TRIM16: variants seen among roughly 807,000 people sequenced by gnomAD.
TRIM16 encodes tripartite motif-containing protein 16.
Under a neutral mutation model 50.4 loss-of-function variants are expected in TRIM16, and 33 were observed. The observed-to-expected ratio is 0.65, with a 90% CI of 0.50 to 0.88. The LOEUF (loss-of-function observed/expected upper bound fraction) is 0.88. Ranked by LOEUF, TRIM16 falls within the 40% of genes least tolerant of loss-of-function variation. TRIM16 has a pLI of 0.00. For synonymous variants in TRIM16, 229 were observed against 270.7 expected (o/e 0.85, Z 1.51); for missense variants, 581 against 686.8 (o/e 0.85, Z 1.72).
chr17:15,656,472 C>A (rs890765293), intron 6 of TRIM16, among the ~76,000 whole-genome samples: 11 of 152,130 alleles, frequency 7.2e-5, no homozygotes, highest in Non-Finnish European at 1.5e-4. Flanking sequence ...AGCTCCTTCT[C>A]TCATTTCCTA....
chr17:15,672,845 G>C (rs1023542248), intron 6 of TRIM16, among the ~76,000 whole-genome samples: 4 of 152,176 alleles, frequency 2.6e-5, no homozygotes, highest in African/African-American at 9.7e-5. Context: ...GTAAGTCCCA[G>C]AGTCATAATA....
At chr17:15,646,098 G>A (rs1240329535) in intron 7 of TRIM16, among the ~76,000 whole-genome samples, 1 of 152,152 alleles carries the variant, frequency 6.6e-6, no homozygotes, top group African/African-American at 2.4e-5. Context: ...GGGGCCATAG[G>A]GAGGTACCCA....
chr17:15,649,462 A>G (rs935570188), intron 7 of TRIM16, among the ~76,000 whole-genome samples: 3 of 151,768 alleles, frequency 2.0e-5, no homozygotes, highest in African/African-American at 7.3e-5. Context: ...AATTTTTTGT[A>G]TTTTTAGTAG....
rs1986713072 is a variant in TRIM16, at chr17:15,635,944, A to G, written c.849+92T>C. On this transcript the variant is annotated intron_variant, in intron 9 of 11. Coordinates refer to ENST00000649191, the MANE Select transcript of TRIM16 (RefSeq NM_001348119.1). ...CCCTGTGCACACCATTTAACAAAAA[A>G]CAGTTCCATTCACAGATGGCCATGG... 3 of 1,218,694 alleles carry G rather than the reference A, an allele frequency of 2.5e-6. No individual in the cohort carries two copies. In the East Asian group the frequency reaches 7.3e-5, roughly 30 times the overall value. The allele number at this position is 1,218,694 out of a possible 1,614,324, so 75.5% of individuals were successfully genotyped here.
chr17:15,641,330 A>G (rs9895351), intron 8 of TRIM16, among the ~76,000 whole-genome samples: 3,084 of 148,948 alleles, frequency 0.021, 298 homozygotes, highest in African/African-American at 0.073. Flanking sequence ...CATGCCTATC[A>G]ATATACTGAG....
chr17:15,639,248 G>A (rs1297232621), intron 8 of TRIM16, among the ~76,000 whole-genome samples: 1 of 144,854 alleles, frequency 6.9e-6, no homozygotes, highest in African/African-American at 2.6e-5. Flanking sequence ...AGCTTACTAC[G>A]TTGCCCAGGC....
chr17:15,651,826 C>T lies in TRIM16; in HGVS notation c.-217G>A. The T allele has an allele frequency of 1.4e-6, 2 of 1,437,974 alleles. No individual in the cohort carries two copies. The highest frequency in any genetic ancestry group is 1.8e-6 in the Non-Finnish European group (2 of 1,101,172). 89.1% of individuals were successfully genotyped at this position (1,437,974 alleles called of 1,614,324 possible). A position where few individuals can be genotyped will look rare whatever the true frequency, so the allele number is the denominator to read the frequency against. ...CGACAAGGCAGCTAGAGTACTCAGG[C>T]TCAGGACAGCCGGCTCAGGCTCAGG... is the stretch of plus-strand genomic sequence containing the variant. On this transcript the variant is annotated 5_prime_UTR_variant, in exon 7 of 12. Transcript: ENST00000649191.
At chr17:15,634,494 G>T (rs940225963) in intron 9 of TRIM16, among the ~76,000 whole-genome samples, 1 of 147,898 alleles carries the variant, frequency 6.8e-6, no homozygotes, top group African/African-American at 2.5e-5. Flanking sequence ...AGCCGGGCAT[G>T]GTGGCCCATG....
In TRIM16 at chr17:15,647,603, G is replaced by A. The variant is rs565349870; in HGVS notation, c.519+3488C>T. Among the ~76,000 whole-genome samples the A allele has an allele frequency of 3.4e-3, 515 of 152,198 alleles. 1 individual carries two copies. Among genetic ancestry groups the A allele is most frequent in the African/African-American group, 0.011 (447 of 41,502 alleles). On this transcript the variant is annotated intron_variant, in intron 7 of 11. Transcript: ENST00000649191. ...GTTCCAAAGGTGCAGTAATTGCACC[G>A]TGCCAGCCTCTTGGCACTCTGTGGA...
intron 6 of TRIM16, among the ~76,000 whole-genome samples, chr17:15,671,225 A>C (rs1438470126): frequency 1.3e-5 from 2 of 151,968 alleles, no homozygotes; most frequent in Non-Finnish European, 2.9e-5. Context: ...GTAAGATGAA[A>C]ACAGGGCAAT....
At chr17:15,641,996 C>T (rs2150908907) in intron 8 of TRIM16, among the ~76,000 whole-genome samples, 1 of 148,550 alleles carries the variant, frequency 6.7e-6, no homozygotes. Flanking sequence ...GTGTGCACCA[C>T]CATGCCTGGC....
intron 7 of TRIM16, chr17:15,643,171 AG>A (rs1987195585): frequency 1.2e-6 from 1 of 826,960 alleles, no homozygotes; most frequent in Non-Finnish European, 1.5e-6. Flanking sequence ...CTCTCAGCAA[AG>A]GGCATTCCAA....
chr17:15,676,815 T>C (rs163391), intron 6 of TRIM16, among the ~76,000 whole-genome samples: 32,933 of 152,118 alleles, frequency 0.22, 3,713 homozygotes, highest in South Asian at 0.27. Context: ...TCCTTAAAAT[T>C]ATTCAAATTC....
chr17:15,671,340 T>C (rs1988722641), intron 6 of TRIM16, among the ~76,000 whole-genome samples: 1 of 128,724 alleles, frequency 7.8e-6, no homozygotes, highest in African/African-American at 3.1e-5. Flanking sequence ...GAATTTTATA[T>C]AGGTGTGCAA....
intron 4 of TRIM16, among the ~76,000 whole-genome samples, chr17:15,678,052 C>T (rs1989021635): frequency 6.6e-6 from 1 of 152,032 alleles, no homozygotes; most frequent in Non-Finnish European, 1.5e-5. Context: ...CCCATCTCTA[C>T]TATAAATACA....
chr17:15,670,363 G>A (rs533188049), intron 6 of TRIM16, among the ~76,000 whole-genome samples: 90 of 152,228 alleles, frequency 5.9e-4, no homozygotes, highest in African/African-American at 2.1e-3. Context: ...ACCACTAAAT[G>A]TAAACCAGCT....
chr17:15,667,605 A>G (rs1988552517), intron 6 of TRIM16, among the ~76,000 whole-genome samples: 1 of 152,002 alleles, frequency 6.6e-6, no homozygotes, highest in Non-Finnish European at 1.5e-5. Context: ...TCTTCTTCCT[A>G]TATGTTTTGG....
chr17:15,655,011 T>A (rs1419749065), intron 6 of TRIM16, among the ~76,000 whole-genome samples: 1 of 147,418 alleles, frequency 6.8e-6, no homozygotes, highest in East Asian at 2.0e-4. Context: ...AAAAAAAAAA[T>A]GTAGCTTGTC....
rs1987708589 is a variant in TRIM16 at position 15,651,555 on chromosome 17, GCTGAGCAGTGGCC to G, written c.42_54del (p.Arg14SerfsTer70). The G allele has an allele frequency of 3.1e-6, 5 of 1,614,034 alleles. No individual in the cohort carries two copies. Among genetic ancestry groups the G allele is most frequent in the Non-Finnish European group, 1.7e-6 (2 of 1,179,952 alleles). On this transcript the variant is annotated frameshift_variant, in exon 7 of 12. Transcript: ENST00000649191. LOFTEE classifies it high-confidence loss of function. ...GAGTCTGGGCTGAGAGGGGCTGGGGGCTGAGCAGTGGCCCTGGGCAGTGGCCCTGGAGCCATTA... is the reference window on the plus strand; with the variant it reads ...GAGTCTGGGCTGAGAGGGGCTGGGGGCTGGGCAGTGGCCCTGGAGCCATTA...
Sources: gnomAD v4.1 joint callset for allele counts (sites outside exome capture counted in the v4.1 genomes callset) on GRCh38, gnomAD v4.1.1 for gene constraint, MANE v1.5 for transcripts, NCBI Gene and HGNC (gene_info 2026-07-23, HGNC 2026-07-21) for gene names.